The following LRBA variants were observed in gnomAD, a reference collection of about 807,000 sequenced individuals.
LRBA encodes the protein lipopolysaccharide-responsive and beige-like anchor protein.
In LRBA, 176 loss-of-function variants were observed where a neutral mutation model predicts 330.0. That is an observed-to-expected ratio of 0.53 (90% CI 0.47 to 0.60). The LOEUF (loss-of-function observed/expected upper bound fraction) is 0.60, where lower values mean the gene tolerates loss of function less well. Among genes scored for constraint, LRBA ranks in the 20% least tolerant of loss-of-function variants. LRBA has a pLI of 0.00. For missense variants in LRBA, 3,259 were observed against 3,444.8 expected, an observed-to-expected ratio of 0.95 and a Z score of 1.35; for synonymous variants, 1,230 against 1,193.0, an observed-to-expected ratio of 1.03 and a Z score of -0.64.
intron 40 of LRBA, among the ~76,000 whole-genome samples, chr4:150,533,769 C>T (rs569658636): frequency 6.6e-6 from 1 of 152,242 alleles, no homozygotes; most frequent in African/African-American, 2.4e-5. Flanking sequence ...GGCTTCCTTC[C>T]ACTCAGACAT....
intron 37 of LRBA, among the ~76,000 whole-genome samples, chr4:150,665,323 C>A (rs1781469156): frequency 6.6e-6 from 1 of 152,158 alleles, no homozygotes; most frequent in Admixed American, 6.5e-5. Flanking sequence ...ATCGTTTGGA[C>A]AAACAGTCTA....
At position 150,556,467 on chromosome 4, in the gene LRBA, A is replaced by C. The variant is rs185825635; in HGVS notation, c.6330+31581T>G. Among the ~76,000 whole-genome samples the C allele has an allele frequency of 8.5e-5, 13 of 152,332 alleles. No individual in the cohort carries two copies. In the East Asian group the frequency reaches 2.3e-3, roughly 27 times the overall value. Reference sequence around the variant, plus strand: ...TCTCAGCATCCTACATAGTTGGCATACTGGCAGATAATCAAAAGTGTTTGT... The same window carrying C: ...TCTCAGCATCCTACATAGTTGGCATCCTGGCAGATAATCAAAAGTGTTTGT... On this transcript the variant is annotated intron_variant, in intron 40 of 56. Coordinates refer to ENST00000651943, the MANE Select transcript of LRBA (RefSeq NM_001364905.1).
chr4:150,867,645 C>T (rs1438629250), intron 22 of LRBA, 26 bp downstream of exon 22: 2 of 1,564,302 alleles, frequency 1.3e-6, no homozygotes, highest in African/African-American at 2.8e-5. Flanking sequence ...TAAAATGCTA[C>T]AATACGCTTT....
chr4:150,809,886 ATACGATACGATACG>A (rs1743409604), intron 31 of LRBA, among the ~76,000 whole-genome samples: 4 of 148,274 alleles, frequency 2.7e-5, no homozygotes, highest in African/African-American at 5.1e-5. Context: ...ATACGATACG[ATACGATACGATACG>A]ATACGATACG....
intron 37 of LRBA, among the ~76,000 whole-genome samples, chr4:150,648,762 G>A (rs1779440258): frequency 6.6e-6 from 1 of 152,140 alleles, no homozygotes; most frequent in Non-Finnish European, 1.5e-5. Context: ...AAGTAGTTGA[G>A]GGAGCTGAAA....
intron 33 of LRBA, among the ~76,000 whole-genome samples, chr4:150,800,533 A>T (rs1286772135): frequency 6.6e-6 from 1 of 152,244 alleles, no homozygotes; most frequent in Non-Finnish European, 1.5e-5. Context: ...TGTGCAAAAA[A>T]ACAAATAATA....
rs76117695 is a variant in LRBA at position 150,645,814 on chromosome 4, A to T, written c.5921+37737T>A. 3.4e-3 allele frequency among the ~76,000 whole-genome samples: 520 copies of T among 152,064 alleles called. 30 individuals carry two copies. In the East Asian group the frequency reaches 0.089, roughly 26 times the overall value. ...CCATAAAATATTATAGATCATATTAACAGGTGAATATTTGCCATCTATTTT... is the reference window on the plus strand; with the variant it reads ...CCATAAAATATTATAGATCATATTATCAGGTGAATATTTGCCATCTATTTT... On this transcript the variant is annotated intron_variant, in intron 37 of 56. Transcript: ENST00000651943.
intron 40 of LRBA, among the ~76,000 whole-genome samples, chr4:150,522,355 C>T (rs1763008652): frequency 6.6e-6 from 1 of 152,102 alleles, no homozygotes; most frequent in Non-Finnish European, 1.5e-5. Context: ...TAGAATATTG[C>T]TACAACATAT....
At chr4:150,714,177 G>A (rs543357449) in intron 36 of LRBA, among the ~76,000 whole-genome samples, 1 of 152,248 alleles carries the variant, frequency 6.6e-6, no homozygotes, top group African/African-American at 2.4e-5. Context: ...TAAAGTTTAT[G>A]TCTTACTGAA....
intron 2 of LRBA, among the ~76,000 whole-genome samples, chr4:150,956,081 T>G (rs1156798405): frequency 6.7e-6 from 1 of 149,084 alleles, no homozygotes; most frequent in Non-Finnish European, 1.5e-5. Context: ...ACAACCTGGC[T>G]TCTTTGGTCC....
chr4:150,646,834 C>T (rs1291717873), intron 37 of LRBA, among the ~76,000 whole-genome samples: 1 of 152,018 alleles, frequency 6.6e-6, no homozygotes, highest in Non-Finnish European at 1.5e-5. Context: ...AAGAAATGCT[C>T]ATTGGAGCAT....
intron 48 of LRBA, among the ~76,000 whole-genome samples, chr4:150,336,382 T>C (rs6535728): frequency 0.55 from 84,386 of 152,118 alleles, 24,395 homozygotes; most frequent in Non-Finnish European, 0.65. Flanking sequence ...CATCATTTAG[T>C]ATTAATTAAA....
chr4:150,573,186 G>A (rs1320730782), intron 40 of LRBA, among the ~76,000 whole-genome samples: 1 of 152,144 alleles, frequency 6.6e-6, no homozygotes, highest in Non-Finnish European at 1.5e-5. Flanking sequence ...AAACAAAACA[G>A]AAGGTTGTAA....
chr4:150,779,733 C>T (rs1022408106), intron 34 of LRBA, among the ~76,000 whole-genome samples: 7 of 151,986 alleles, frequency 4.6e-5, no homozygotes, highest in African/African-American at 1.7e-4. Context: ...CATTAGCTTG[C>T]CTCAATCATT....
intron 40 of LRBA, among the ~76,000 whole-genome samples, chr4:150,522,558 G>A (rs1397549667): frequency 6.6e-6 from 1 of 151,716 alleles, no homozygotes; most frequent in African/African-American, 2.4e-5. Context: ...CAAAGGAGGG[G>A]CCCACAACAC....
intron 49 of LRBA, among the ~76,000 whole-genome samples, chr4:150,324,591 T>C (rs1276767852): frequency 2.0e-5 from 3 of 150,470 alleles, no homozygotes; most frequent in African/African-American, 7.4e-5. Flanking sequence ...CAGAAGGTGA[T>C]GTGGGAAGAG....
intron 37 of LRBA, among the ~76,000 whole-genome samples, chr4:150,663,462 T>A (rs1347019716): frequency 1.3e-5 from 2 of 152,020 alleles, no homozygotes; most frequent in Admixed American, 1.3e-4. Context: ...AATACCAGAC[T>A]TATTTTGAAT....
chr4:150,651,342 C>G (rs965922114), intron 37 of LRBA, among the ~76,000 whole-genome samples: 22 of 152,134 alleles, frequency 1.4e-4, no homozygotes, highest in Non-Finnish European at 3.1e-4. Context: ...CACGGCTATC[C>G]TGTTAACCAC....
At chr4:150,630,223 T>C (rs989475638) in intron 37 of LRBA, among the ~76,000 whole-genome samples, 1 of 152,190 alleles carries the variant, frequency 6.6e-6, no homozygotes, top group Non-Finnish European at 1.5e-5. Flanking sequence ...TTATAACACC[T>C]ATGATTTCAC....
Sources: allele counts gnomAD v4.1 joint callset (sites outside exome capture counted in the v4.1 genomes callset), GRCh38; gene constraint gnomAD v4.1.1; transcripts MANE v1.5; gene names NCBI Gene and HGNC (gene_info 2026-07-23, HGNC 2026-07-21).